Variants in MYPN observed in about 807,000 individuals in gnomAD.
MYPN encodes sarcomeric protein myopalladin, 145 kDa (MYOP).
In MYPN, 63 loss-of-function variants were observed where a neutral mutation model predicts 129.4. The observed-to-expected ratio is 0.49, with a 90% confidence interval of 0.40 to 0.60. The LOEUF is 0.60. Among genes scored for constraint, MYPN ranks in the 20% least tolerant of loss-of-function variants. The probability of loss-of-function intolerance (pLI) is 0.00; values close to 1 mark genes in which losing one functional copy is unlikely to be tolerated. For missense variants in MYPN, 1,596 were observed against 1,635.4 expected (o/e 0.98, Z 0.42); for synonymous variants, 629 against 600.9 (o/e 1.05, Z -0.68).
At position 68,174,607 on chromosome 10, in the gene MYPN, G is replaced by A. The variant is rs752773452; in HGVS notation, c.2515G>A (p.Ala839Thr). The A allele has an allele frequency of 2.9e-5, 46 of 1,613,928 alleles. 1 individual carries two copies. The highest frequency in any genetic ancestry group is 3.6e-5 in the Non-Finnish European group (43 of 1,180,014). ...CAGCTCTGTTCTGCCTTCTCTCCCT[G>A]CCATCCCACCCACAAATGCCATGGG... ...FLSSVLPSLP[A>T]IPPTNAMGLP... Residue 839 changes from alanine (A) to threonine (T), a missense_variant, in exon 11 of 20, where the codon GCC becomes ACC. Ala to Thr is a moderately conservative substitution (Grantham distance 58, BLOSUM62 0). Coordinates refer to ENST00000358913, the MANE Select transcript of MYPN (RefSeq NM_032578.4).
upstream of MYPN, chr10:68,106,848 CTG>C (rs2042018121): frequency 1.4e-6 from 1 of 715,260 alleles, no homozygotes; most frequent in East Asian, 2.7e-5. Context: ...AAGAAAACAG[CTG>C]AAGGCAAGCA....
At chr10:68,102,565 A>G (rs933906084), upstream of MYPN, among the ~76,000 whole-genome samples, 13 of 152,206 alleles carry the variant, frequency 8.5e-5, no homozygotes, top group Non-Finnish European at 1.3e-4. Context: ...TTGTCTAGAA[A>G]TAATATTCTA....
At chr10:68,206,425 T>C (rs2134335938) in intron 18 of MYPN, among the ~76,000 whole-genome samples, 1 of 152,312 alleles carries the variant, frequency 6.6e-6, no homozygotes, top group African/African-American at 2.4e-5. Flanking sequence ...GCTTTCCCTG[T>C]TCATCCCAGA....
upstream of MYPN, among the ~76,000 whole-genome samples, chr10:68,108,288 T>C: frequency 6.6e-6 from 1 of 152,316 alleles, no homozygotes; most frequent in East Asian, 1.9e-4. Context: ...TAATTAAACC[T>C]CCAATGTGAT....
At chr10:68,092,303 T>C (rs1436041179) in intron 1 of MYPN, among the ~76,000 whole-genome samples, 1 of 152,060 alleles carries the variant, frequency 6.6e-6, no homozygotes, top group East Asian at 1.9e-4. Context: ...GAGACCAGCC[T>C]GGCCAACATG....
At chr10:68,137,717 C>T (rs1589544430) in intron 2 of MYPN, among the ~76,000 whole-genome samples, 1 of 151,962 alleles carries the variant, frequency 6.6e-6, no homozygotes, top group Admixed American at 6.6e-5. Flanking sequence ...CTAATTTTCC[C>T]TTGAAACCTC....
upstream of MYPN, among the ~76,000 whole-genome samples, chr10:68,104,555 T>C (rs2041998060): frequency 6.6e-6 from 1 of 152,234 alleles, no homozygotes; most frequent in Admixed American, 6.5e-5. Flanking sequence ...TCAGCAATAA[T>C]GCCTAACTCC....
chr10:68,157,600 G>T (rs1464263100), intron 6 of MYPN, among the ~76,000 whole-genome samples: 1 of 150,014 alleles, frequency 6.7e-6, no homozygotes, highest in Non-Finnish European at 1.5e-5. Context: ...TTGGGAGGCC[G>T]AGGTGGGTGG....
At chr10:68,156,072 C>T (rs2042867951) in intron 6 of MYPN, among the ~76,000 whole-genome samples, 2 of 152,164 alleles carry the variant, frequency 1.3e-5, no homozygotes, top group Admixed American at 6.5e-5. Flanking sequence ...GGAACTGGCT[C>T]ATATATCTGA....
intron 1 of MYPN, among the ~76,000 whole-genome samples, chr10:68,097,551 T>A (rs2041962435): frequency 6.6e-6 from 1 of 152,210 alleles, no homozygotes; most frequent in Non-Finnish European, 1.5e-5. Context: ...GAGCCAGGCA[T>A]TGTTCTAAAA....
upstream of MYPN, chr10:68,109,178 T>A (rs565585348): frequency 5.8e-6 from 1 of 173,216 alleles, no homozygotes; most frequent in African/African-American, 2.4e-5. Context: ...TGAGAGTAAA[T>A]TTCCTATTGA....
intron 6 of MYPN, among the ~76,000 whole-genome samples, chr10:68,157,725 C>T (rs115511859): frequency 9.0e-4 from 135 of 150,426 alleles, no homozygotes; most frequent in African/African-American, 3.1e-3. Flanking sequence ...GCCTTTAGTC[C>T]CAGCTATTCA....
rs1180943683 is a variant in MYPN, at chr10:68,211,594, C to A, written c.*1139C>A. On this transcript the variant is annotated 3_prime_UTR_variant, in exon 20 of 20. Transcript: ENST00000358913. ...TCTTTATTCTAATCACCAATTCAAA[C>A]CCTGCCTCTTAAGGAATTTTTAGAC... 2.2e-6 allele frequency: 1 copy of A among 454,000 alleles called. No homozygotes were observed. Among genetic ancestry groups the A allele is most frequent in the Admixed American group, 2.3e-5 (1 of 42,556 alleles). 28.1% of individuals were successfully genotyped at this position (454,000 alleles called of 1,614,324 possible). A position where few individuals can be genotyped will look rare whatever the true frequency, so the allele number is the denominator to read the frequency against.
intron 10 of MYPN, among the ~76,000 whole-genome samples, chr10:68,170,239 A>G (rs2043124663): frequency 6.6e-6 from 1 of 152,214 alleles, no homozygotes; most frequent in South Asian, 2.1e-4. Context: ...GGAATTAAGT[A>G]GACAGCAGTG....
intron 12 of MYPN, among the ~76,000 whole-genome samples, chr10:68,182,340 CATATATAACATATATATAACACATAT>C (rs2043335491): frequency 3.6e-5 from 1 of 27,860 alleles, no homozygotes; most frequent in African/African-American, 8.6e-5. Flanking sequence ...ATAACACACA[CATATATAACATATATATAACACATAT>C]ATATAACATA....
upstream of MYPN, among the ~76,000 whole-genome samples, chr10:68,105,827 T>C (rs2042007558): frequency 6.6e-6 from 1 of 152,252 alleles, no homozygotes; most frequent in Non-Finnish European, 1.5e-5. Context: ...AGATATCTTA[T>C]GTATTCCATA....
Position 68,174,640 on chromosome 10 carries a change from A to G in MYPN, c.2548A>G (p.Arg850Gly). The G allele has an allele frequency of 1.2e-6, 2 of 1,614,110 alleles. No individual in the cohort carries two copies. The highest frequency in any genetic ancestry group is 1.7e-6 in the Non-Finnish European group (2 of 1,179,952). ...ACCCACAAATGCCATGGGGCTGCCTAGAAGTGCACCATCCATGTAAGTGTC... is the reference window on the plus strand; with the variant it reads ...ACCCACAAATGCCATGGGGCTGCCTGGAAGTGCACCATCCATGTAAGTGTC... ...IPPTNAMGLP[R>G]SAPSMPSQGL... The change falls in exon 11 of 20, where the codon AGA becomes GGA. Residue 850 changes from arginine (R) to glycine (G), a missense_variant. Coordinates refer to ENST00000358913, the MANE Select transcript of MYPN (RefSeq NM_032578.4).
chr10:68,203,683 G>A (rs117691559), intron 18 of MYPN, among the ~76,000 whole-genome samples: 3,729 of 138,536 alleles, frequency 0.027, 77 homozygotes, highest in Non-Finnish European at 0.039. Context: ...GTCCTAAAAC[G>A]CGCACGCACA....
Position 68,122,297 on chromosome 10 carries a change from C to A in MYPN, c.859C>A (p.Gln287Lys), listed in dbSNP as rs2042258039. The A allele has an allele frequency of 1.2e-6, 2 of 1,613,866 alleles. No individual in the cohort carries two copies. Among genetic ancestry groups the A allele is most frequent in the Non-Finnish European group, 8.5e-7 (1 of 1,180,020 alleles). ...SREVPEGTRVQLDCIVVGIPP... is the reference protein window; with the variant it reads ...SREVPEGTRVKLDCIVVGIPP... The stretch of plus-strand genomic sequence containing the variant: ...AGAAGTTCCAGAAGGAACTCGAGTA[C>A]AGTTGGATTGCATAGTGGTAGGAAT... Residue 287 changes from glutamine to lysine, a missense_variant, in exon 2 of 20, where the codon CAG becomes AAG. By Grantham distance (53) the Gln-to-Lys change is moderately conservative (BLOSUM62 1). Coordinates refer to ENST00000358913, the MANE Select transcript of MYPN (RefSeq NM_032578.4).
Sources: gnomAD v4.1 joint callset for allele counts (sites outside exome capture counted in the v4.1 genomes callset) on GRCh38, gnomAD v4.1.1 for gene constraint, MANE v1.5 for transcripts, NCBI Gene and HGNC (gene_info 2026-07-23, HGNC 2026-07-21) for gene names.